APBA2: variants seen among roughly 807,000 people sequenced by gnomAD.
APBA2 encodes amyloid beta precursor protein binding family A member 2, also known as amyloid-beta A4 precursor protein-binding family A member 2.
Under a neutral mutation model 75.0 loss-of-function variants are expected in APBA2, and 30 were observed. The ratio of observed to expected loss-of-function variants is 0.40; its 90% CI spans 0.30 to 0.54. APBA2 has a LOEUF of 0.54. APBA2 is among the 20% of genes least tolerant of loss of function. The pLI, the probability that APBA2 is intolerant of heterozygous loss-of-function variation, is 0.49. For missense variants in APBA2, 801 were observed against 1,016.1 expected (o/e 0.79, Z 2.88); for synonymous variants, 444 against 409.6 (o/e 1.08, Z -1.01).
chr15:28,956,053 G>A (rs899899040), intron 2 of APBA2, among the ~76,000 whole-genome samples: 1 of 152,198 alleles, frequency 6.6e-6, no homozygotes, highest in Non-Finnish European at 1.5e-5. Context: ...ATCCGGTCCA[G>A]CTCTGGCCTG....
intron 2 of APBA2, among the ~76,000 whole-genome samples, chr15:28,973,082 G>A (rs1231929386): frequency 1.3e-5 from 2 of 152,230 alleles, no homozygotes; most frequent in African/African-American, 4.8e-5. Flanking sequence ...TTTATTTTGA[G>A]AGGAAGTTTG....
chr15:29,116,030 T>G (rs1311106806), intron 14 of APBA2, among the ~76,000 whole-genome samples: 1 of 144,784 alleles, frequency 6.9e-6, no homozygotes, highest in Non-Finnish European at 1.5e-5. Flanking sequence ...AGCGTCGTGC[T>G]CAGGAGAGGA....
chr15:28,982,880 G>A (rs2152769422), intron 2 of APBA2, among the ~76,000 whole-genome samples: 1 of 152,330 alleles, frequency 6.6e-6, no homozygotes, highest in African/African-American at 2.4e-5. Context: ...GCAATAACGG[G>A]CCAGCTTCCA....
At position 29,105,375 on chromosome 15, in the gene APBA2, A is replaced by C; in HGVS notation, c.1525-4A>C. On this transcript the variant is annotated splice_region_variant and splice_polypyrimidine_tract_variant and intron_variant, in intron 10 of 14. Transcript: ENST00000683413. ...TGTCTCCAGCTGGCCTGCCCTCTGC[A>C]CAGGCCCAGCTCATCGCCCAGTCTA... The C allele has an allele frequency of 6.2e-7, 1 of 1,610,126 alleles. No individual in the cohort carries two copies. Among genetic ancestry groups the C allele is most frequent in the Non-Finnish European group, 8.5e-7 (1 of 1,179,764 alleles).
chr15:29,075,464 C>T (rs562354947), intron 5 of APBA2, among the ~76,000 whole-genome samples: 1 of 152,224 alleles, frequency 6.6e-6, no homozygotes, highest in South Asian at 2.1e-4. Flanking sequence ...ATCCTTGTAC[C>T]TACCCCATCC....
intron 1 of APBA2, among the ~76,000 whole-genome samples, chr15:28,888,897 C>T (rs1440095100): frequency 6.6e-6 from 1 of 152,152 alleles, no homozygotes; most frequent in Non-Finnish European, 1.5e-5. Context: ...GGCAGGCCTC[C>T]CCGATGTAGG....
chr15:28,895,841 G>A (rs1227104327), intron 1 of APBA2, among the ~76,000 whole-genome samples: 1 of 152,128 alleles, frequency 6.6e-6, no homozygotes, highest in Non-Finnish European at 1.5e-5. Context: ...GGCTGGGCAT[G>A]GTGGTTCATG....
intron 2 of APBA2, among the ~76,000 whole-genome samples, chr15:28,976,769 C>A (rs1324809348): frequency 1.3e-5 from 2 of 152,102 alleles, no homozygotes; most frequent in Non-Finnish European, 2.9e-5. Context: ...ATGAGTTTGG[C>A]CTATAATTTA....
At chr15:28,987,725 G>GACAT (rs1469936230) in intron 2 of APBA2, among the ~76,000 whole-genome samples, 2 of 118,562 alleles carry the variant, frequency 1.7e-5, no homozygotes, top group South Asian at 6.4e-4. Context: ...AATATGTGGA[G>GACAT]AGAGATATAT....
intron 2 of APBA2, among the ~76,000 whole-genome samples, chr15:28,947,523 G>A (rs916133088): frequency 4.6e-5 from 7 of 152,214 alleles, no homozygotes; most frequent in Non-Finnish European, 7.3e-5. Flanking sequence ...CAGGCTAGGG[G>A]ATGAGGTGGC....
intron 4 of APBA2, among the ~76,000 whole-genome samples, chr15:29,074,719 A>T (rs1216357367): frequency 6.6e-6 from 1 of 152,248 alleles, no homozygotes; most frequent in Non-Finnish European, 1.5e-5. Context: ...AATGATTTAA[A>T]ATAACTTTTT....
rs186359652 is a variant in APBA2 at position 29,100,195 on chromosome 15, T to G, written c.1339-1404T>G. ...GGGGAAGGAACATGTTTCTGACACC[T>G]GGGGATTGATTCAGGCATTTATGAC... On this transcript the variant is annotated intron_variant, in intron 9 of 14. Transcript: ENST00000683413. Among the ~76,000 whole-genome samples, 45 of 152,306 alleles carry G rather than the reference T, an allele frequency of 3.0e-4. No homozygotes were observed. The East Asian group carries it at 7.7e-3, about 26-fold the overall frequency.
In APBA2 at chr15:29,054,857, G is replaced by C. The variant is rs763374743; in HGVS notation, c.951+22G>C. On this transcript the variant is annotated intron_variant, in intron 4 of 14. Coordinates refer to ENST00000683413, the MANE Select transcript of APBA2 (RefSeq NM_001353788.2). This position sits in a 1 kb window ranked among gnomAD's most constrained non-coding sequence, Gnocchi z 6.1. ...GCAGGTAGGACCCTGGCTGTCCTGG[G>C]GAAGGGAGCAGAGGGGCCCGAGAGC... The C allele has an allele frequency of 3.1e-6, 5 of 1,589,262 alleles. No individual in the cohort carries two copies. In the East Asian group the frequency reaches 1.1e-4, roughly 36 times the overall value.
Position 28,956,401 on chromosome 15 carries a change from C to A in APBA2, c.-95+34652C>A, listed in dbSNP as rs115836639. On this transcript the variant is annotated intron_variant, in intron 2 of 14. Coordinates refer to ENST00000683413, the MANE Select transcript of APBA2 (RefSeq NM_001353788.2). ...GAAAGGCGTGGAGGCTGGACAGATG[C>A]AGAGGCAGTCAGGGAATAGCCAGTG... 8.9e-3 allele frequency among the ~76,000 whole-genome samples: 1,354 copies of A among 152,174 alleles called. 18 individuals are homozygous for A. The highest frequency in any genetic ancestry group is 0.031 in the African/African-American group (1,268 of 41,528).
At chr15:28,952,963 T>A (rs762731485) in intron 2 of APBA2, among the ~76,000 whole-genome samples, 9 of 152,198 alleles carry the variant, frequency 5.9e-5, no homozygotes, top group Non-Finnish European at 1.3e-4. Context: ...CCATGCTCTT[T>A]GTATGACATA....
chr15:29,109,067 AAAG>A (rs1265503350), intron 13 of APBA2, among the ~76,000 whole-genome samples: 3 of 152,218 alleles, frequency 2.0e-5, no homozygotes, highest in Non-Finnish European at 2.9e-5. Context: ...TAAGTGGAGT[AAAG>A]AAGAAAAGGG....
chr15:29,044,355 G>A (rs1032175049), intron 3 of APBA2: 1 of 152,210 alleles, frequency 6.6e-6, no homozygotes, highest in African/African-American at 2.4e-5. Context: ...GGCCGCATTA[G>A]CTATTGATTT....
chr15:28,995,893 A>G (rs2038489843), intron 3 of APBA2, 87 bp downstream of exon 3: 1 of 152,200 alleles, frequency 6.6e-6, no homozygotes. Flanking sequence ...GGAAAATGCT[A>G]CATTGCAGGC....
chr15:29,006,086 C>A (rs957599639), intron 3 of APBA2, among the ~76,000 whole-genome samples: 1 of 152,086 alleles, frequency 6.6e-6, no homozygotes, highest in Non-Finnish European at 1.5e-5. Context: ...CTAGCCAGAA[C>A]AATTTGGCAA....
Sources: allele counts gnomAD v4.1 joint callset (sites outside exome capture counted in the v4.1 genomes callset), GRCh38; gene constraint gnomAD v4.1.1; non-coding constraint Gnocchi (gnomAD v3.1); transcripts MANE v1.5; gene names NCBI Gene and HGNC (gene_info 2026-07-23, HGNC 2026-07-21).